Variants in DOCK7 observed in about 807,000 individuals in gnomAD.
The protein encoded by DOCK7 is dedicator of cytokinesis protein 7.
In DOCK7, 138 loss-of-function variants were observed where a neutral mutation model predicts 271.0. That is an observed-to-expected ratio of 0.51 (90% CI 0.44 to 0.59). The LOEUF (loss-of-function observed/expected upper bound fraction) is 0.59, where lower values mean the gene tolerates loss of function less well. Ranked by LOEUF, DOCK7 falls within the 20% of genes least tolerant of loss-of-function variation. The probability of loss-of-function intolerance (pLI) is 0.00; values close to 1 mark genes in which losing one functional copy is unlikely to be tolerated. For missense variants in DOCK7, 2,066 were observed against 2,592.4 expected (o/e 0.80, Z 4.41); for synonymous variants, 823 against 876.1 (o/e 0.94, Z 1.07).
intron 8 of DOCK7, 173 bp from the exon 9 acceptor site, chr1:62,635,095 C>T: frequency 2.4e-6 from 1 of 413,504 alleles, no homozygotes; most frequent in Admixed American, 4.2e-5. Context: ...AATTAAATTT[C>T]TATTTTCTTT....
intron 15 of DOCK7, among the ~76,000 whole-genome samples, chr1:62,585,952 G>C (rs1292035734): frequency 8.5e-5 from 13 of 152,162 alleles, no homozygotes; most frequent in Non-Finnish European, 2.9e-5. Context: ...CTGGTAGTTT[G>C]AAAAGCTTCC....
Position 62,507,992 on chromosome 1 carries a change from G to A in DOCK7, c.4446C>T (p.Ile1482=). 1 of 1,612,826 alleles carries A rather than the reference G, an allele frequency of 6.2e-7. No homozygotes were observed. The highest frequency in any genetic ancestry group is 8.5e-7 in the Non-Finnish European group (1 of 1,179,682). Reference sequence around the variant, plus strand: ...CAACAATCTCTAATGTATCTAAAATGATTAGGTTTGCTTCTGTAGCCAGGT... The same window carrying A: ...CAACAATCTCTAATGTATCTAAAATAATTAGGTTTGCTTCTGTAGCCAGGT... The part of the protein sequence containing the change: ...DGNLATEANL[I]ILDTLEIVVQ... Residue 1482 remains isoleucine (I), a synonymous_variant, in exon 35 of 50, where the codon ATC becomes ATT. Transcript: ENST00000635253.
chr1:62,684,254 A>G (rs1198735986), intron 1 of DOCK7, among the ~76,000 whole-genome samples: 2 of 152,094 alleles, frequency 1.3e-5, no homozygotes, highest in African/African-American at 4.8e-5. Flanking sequence ...CTAGGATTTG[A>G]GTCCCAATTT....
intron 2 of DOCK7, 137 bp from the exon 3 acceptor site, chr1:62,654,296 C>A: frequency 2.5e-6 from 2 of 809,358 alleles, no homozygotes; most frequent in Non-Finnish European, 3.8e-6. Context: ...AGATATTCAA[C>A]CAGATGCACT....
intron 2 of DOCK7, among the ~76,000 whole-genome samples, chr1:62,662,526 GC>G (rs965492318): frequency 2.6e-5 from 4 of 152,134 alleles, no homozygotes; most frequent in Admixed American, 2.0e-4. Context: ...AATTTGGGAG[GC>G]CGAGGAAGGT....
intron 17 of DOCK7, among the ~76,000 whole-genome samples, 197 bp from the exon 18 acceptor site, chr1:62,577,560 A>G (rs1318998772): frequency 6.6e-6 from 1 of 152,194 alleles, no homozygotes; most frequent in Non-Finnish European, 1.5e-5. Flanking sequence ...AAATTTTATT[A>G]AGGAGGATAT....
At chr1:62,630,340 G>A (rs983189108) in intron 11 of DOCK7, among the ~76,000 whole-genome samples, 1 of 152,130 alleles carries the variant, frequency 6.6e-6, no homozygotes, top group African/African-American at 2.4e-5. Flanking sequence ...TTTCGGTCCA[G>A]CTCGCCACTC....
chr1:62,607,768 T>C (rs772478604), intron 14 of DOCK7: 10 of 152,182 alleles, frequency 6.6e-5, no homozygotes, highest in Non-Finnish European at 1.3e-4. Context: ...AAATTGCATA[T>C]GAATTGTGTT....
At chr1:62,498,467 T>C (rs1044739006) in intron 37 of DOCK7, among the ~76,000 whole-genome samples, 13 of 152,320 alleles carry the variant, frequency 8.5e-5, no homozygotes, top group Non-Finnish European at 1.5e-4. Flanking sequence ...TTATCTCGCA[T>C]TATATTAACA....
chr1:62,494,209 C>A, intron 40 of DOCK7, 66 bp downstream of exon 40: 1 of 1,371,008 alleles, frequency 7.3e-7, no homozygotes, highest in Non-Finnish European at 9.7e-7. Context: ...ATCTAAACAC[C>A]AGTGAGAAAA....
intron 10 of DOCK7, among the ~76,000 whole-genome samples, chr1:62,631,874 TAAAC>T (rs1654674293): frequency 2.0e-5 from 3 of 152,238 alleles, no homozygotes; most frequent in African/African-American, 4.8e-5. Flanking sequence ...AGGCCAATGA[TAAAC>T]AAGCTCAGAG....
Position 62,650,972 on chromosome 1 carries a change from G to T in DOCK7, c.390-2428C>A, listed in dbSNP as rs145793593. ...ATATACCCAAAGGATTATAAATCATGCTGCTATAAAGACACATGCACACGT... is the reference window on the plus strand; with the variant it reads ...ATATACCCAAAGGATTATAAATCATTCTGCTATAAAGACACATGCACACGT... On this transcript the variant is annotated intron_variant, in intron 4 of 49. Coordinates refer to ENST00000635253, the MANE Select transcript of DOCK7 (RefSeq NM_001367561.1). 3.2e-3 allele frequency among the ~76,000 whole-genome samples: 484 copies of T among 152,224 alleles called. 5 individuals carry two copies. The East Asian group carries it at 0.032, about 10-fold the overall frequency.
rs778200659 is a variant in DOCK7, at chr1:62,513,914, A to C, written c.3937-16T>G. ...GCCTGCCACTCTGAAAATAAAGAGCAGTAGAATGAGACAGATTGATCAAAG... is the reference window on the plus strand; with the variant it reads ...GCCTGCCACTCTGAAAATAAAGAGCCGTAGAATGAGACAGATTGATCAAAG... On this transcript the variant is annotated splice_polypyrimidine_tract_variant and intron_variant, in intron 31 of 49. Transcript: ENST00000635253. 5 of 1,606,738 alleles carry C rather than the reference A, an allele frequency of 3.1e-6. No homozygotes were observed.
intron 14 of DOCK7, chr1:62,602,271 T>A: frequency 6.3e-7 from 1 of 1,580,382 alleles, no homozygotes; most frequent in Middle Eastern, 1.7e-4. Context: ...CATGATTTCA[T>A]TCATTATATT....
At chr1:62,471,683 C>T (rs1645835345) in intron 48 of DOCK7, among the ~76,000 whole-genome samples, 1 of 152,054 alleles carries the variant, frequency 6.6e-6, no homozygotes, top group Non-Finnish European at 1.5e-5. Flanking sequence ...ATGTACTGTG[C>T]CTCAGTCATC....
intron 37 of DOCK7, among the ~76,000 whole-genome samples, chr1:62,503,292 T>G (rs993555373): frequency 2.6e-5 from 4 of 152,014 alleles, no homozygotes; most frequent in African/African-American, 9.7e-5. Flanking sequence ...AAAACAGAAC[T>G]ACTTCCTTTT....
intron 21 of DOCK7, 132 bp from the exon 22 acceptor site, chr1:62,553,033 T>A: frequency 2.3e-4 from 9 of 38,300 alleles, no homozygotes; most frequent in Non-Finnish European, 2.7e-4. Context: ...AAAAATATAC[T>A]TTTTTTTTTT....
chr1:62,553,162 G>C (rs1033478524), intron 21 of DOCK7, among the ~76,000 whole-genome samples: 1 of 146,604 alleles, frequency 6.8e-6, no homozygotes, highest in Non-Finnish European at 1.5e-5. Context: ...AGCCTCCCGA[G>C]TAGCTGGGAC....
rs1571819249 is a variant in DOCK7, at chr1:62,625,526, A to G, written c.1283-125T>C. 11 of 954,164 alleles carry G rather than the reference A, an allele frequency of 1.2e-5. No homozygotes were observed. The East Asian group carries it at 2.8e-4, about 24-fold the overall frequency. The allele number at this position is 954,164 out of a possible 1,614,324, so 59.1% of individuals were successfully genotyped here. ...ACCCACTCAGCATATCAAGTATAGT[A>G]GGAGAATTTTGCTTTTGGAGAGATT... On this transcript the variant is annotated intron_variant, in intron 11 of 49. Transcript: ENST00000635253.
Sources: allele counts gnomAD v4.1 joint callset (sites outside exome capture counted in the v4.1 genomes callset), GRCh38; gene constraint gnomAD v4.1.1; transcripts MANE v1.5; gene names NCBI Gene and HGNC (gene_info 2026-07-23, HGNC 2026-07-21).